The following NUP214 variants were observed in gnomAD, a reference collection of about 807,000 sequenced individuals.
The protein encoded by NUP214 is nucleoporin 214.
In NUP214, 79 loss-of-function variants were observed where a neutral mutation model predicts 196.2. The observed-to-expected ratio is 0.40, with a 90% CI of 0.34 to 0.49. The LOEUF is 0.49. Among genes scored for constraint, NUP214 ranks in the 20% least tolerant of loss-of-function variants. The pLI is 0.58. For synonymous variants in NUP214, 1,020 were observed against 990.5 expected, an observed-to-expected ratio of 1.03 and a Z score of -0.56; for missense variants, 2,468 against 2,539.0, an observed-to-expected ratio of 0.97 and a Z score of 0.60.
chr9:131,207,368 A>T (rs1218582444), intron 30 of NUP214, among the ~76,000 whole-genome samples: 1 of 152,214 alleles, frequency 6.6e-6, no homozygotes, highest in Non-Finnish European at 1.5e-5. Context: ...TGGAGGCAGG[A>T]GTCATCTGAA....
chr9:131,183,100 C>A (rs188416651), intron 24 of NUP214, among the ~76,000 whole-genome samples: 65 of 152,292 alleles, frequency 4.3e-4, no homozygotes, highest in Admixed American at 1.0e-3. Context: ...CCCCACTACC[C>A]CCCAGATGGA....
chr9:131,184,095 A>G (rs947698621), intron 24 of NUP214, among the ~76,000 whole-genome samples: 5 of 142,500 alleles, frequency 3.5e-5, no homozygotes, highest in Non-Finnish European at 1.5e-5. Context: ...CAGTGGCGCA[A>G]TCTCAGCTCA....
intron 18 of NUP214, among the ~76,000 whole-genome samples, chr9:131,160,427 A>C (rs549441244): frequency 1.2e-4 from 19 of 152,334 alleles, no homozygotes; most frequent in East Asian, 1.9e-4. Context: ...ATGATGGCAA[A>C]GTAATGGGAA....
At chr9:131,227,227 C>T (rs2131103529) in intron 32 of NUP214, among the ~76,000 whole-genome samples, 1 of 152,344 alleles carries the variant, frequency 6.6e-6, no homozygotes, top group African/African-American at 2.4e-5. Flanking sequence ...CAGGCATCAC[C>T]AGCAATCAGA....
In NUP214 at chr9:131,178,413, A is replaced by G; in HGVS notation, c.3419+3A>G. 1.2e-6 allele frequency: 2 copies of G among 1,600,596 alleles called. No homozygotes were observed. The highest frequency in any genetic ancestry group is 1.7e-6 in the Non-Finnish European group (2 of 1,168,126). ...GCAACCCCTTCTACAGCCATGGGGT[A>G]TGTTCTGACTGCAGTGTGTTTCAGC... is the stretch of plus-strand genomic sequence containing the variant. On this transcript the variant is annotated splice_donor_region_variant and intron_variant, in intron 24 of 35. Transcript: ENST00000359428.
intron 18 of NUP214, among the ~76,000 whole-genome samples, chr9:131,161,601 G>A (rs1170462652): frequency 6.6e-6 from 1 of 152,158 alleles, no homozygotes; most frequent in East Asian, 1.9e-4. Flanking sequence ...CTTGTTACCA[G>A]AGGCAGTCAT....
chr9:131,196,994 TAAAA>T (rs1044707271), intron 28 of NUP214, among the ~76,000 whole-genome samples: 23 of 152,272 alleles, frequency 1.5e-4, no homozygotes, highest in Admixed American at 1.4e-3. Context: ...TTAATGGTCA[TAAAA>T]AAAGTATTTT....
At chr9:131,159,656 G>A (rs1170495749) in intron 18 of NUP214, among the ~76,000 whole-genome samples, 170 bp downstream of exon 18, 8 of 152,108 alleles carry the variant, frequency 5.3e-5, no homozygotes, top group African/African-American at 1.4e-4. Context: ...TCGGGAGTTC[G>A]AGACCAGCCT....
At chr9:131,212,783 T>G (rs528116895) in intron 30 of NUP214, among the ~76,000 whole-genome samples, 174 of 152,122 alleles carry the variant, frequency 1.1e-3, no homozygotes, top group African/African-American at 3.5e-3. Flanking sequence ...GTAGTGATGG[T>G]TTTTTTTATA....
At chr9:131,213,430 C>A (rs1439171116) in intron 30 of NUP214, among the ~76,000 whole-genome samples, 2 of 152,164 alleles carry the variant, frequency 1.3e-5, no homozygotes, top group African/African-American at 4.8e-5. Flanking sequence ...CTGCCTCGGC[C>A]TCCCAAAGTG....
intron 30 of NUP214, among the ~76,000 whole-genome samples, chr9:131,210,981 AC>A (rs1429203035): frequency 6.6e-6 from 1 of 152,262 alleles, no homozygotes; most frequent in East Asian, 1.9e-4. Flanking sequence ...AAATGAAAAT[AC>A]ATCCCATATT....
chr9:131,129,431 A>T lies in NUP214; in HGVS notation c.546A>T (p.Thr182=). Residue 182 remains threonine, a synonymous_variant, in exon 4 of 36, where the codon ACA becomes ACT. Transcript: ENST00000359428. Reference sequence around the variant, plus strand: ...TTGCTGTCCTGCAAGTCACGGAAACAGTGAAAGTATGTGCAACTCTTCCTT... The same window carrying T: ...TTGCTGTCCTGCAAGTCACGGAAACTGTGAAAGTATGTGCAACTCTTCCTT... ...GSIAVLQVTE[T]VKVCATLPST... The T allele has an allele frequency of 6.2e-7, 1 of 1,614,236 alleles. No homozygotes were observed.
Position 131,208,468 on chromosome 9 carries a change from C to T in NUP214, c.5593-6744C>T, listed in dbSNP as rs905103077. Among the ~76,000 whole-genome samples the T allele has an allele frequency of 2.6e-4, 39 of 152,128 alleles. No homozygotes were observed. In the Middle Eastern group the frequency reaches 0.01, roughly 40 times the overall value. The stretch of plus-strand genomic sequence containing the variant: ...ATCCCAGCACTTTGGGAGGCTGAGG[C>T]GGGCGGATCACGAGGTCAGGAGATC... On this transcript the variant is annotated intron_variant, in intron 30 of 35. Coordinates refer to ENST00000359428, the MANE Select transcript of NUP214 (RefSeq NM_005085.4).
intron 30 of NUP214, among the ~76,000 whole-genome samples, chr9:131,202,589 A>ATT (rs763382499): frequency 2.8e-5 from 4 of 142,394 alleles, no homozygotes; most frequent in Non-Finnish European, 3.1e-5. Context: ...ACACCCAGCT[A>ATT]TTTTTTTTTT....
rs758238151 is a variant in NUP214, at chr9:131,187,321, C to G, written c.3452C>G (p.Pro1151Arg). ...SSVPYSTAKT[P>R]HPVLTPVAAN... The stretch of plus-strand genomic sequence containing the variant: ...GTGCCCTACTCCACAGCCAAAACAC[C>G]TCACCCAGTGTTGACCCCAGTGGCT... Residue 1151 changes from proline (P) to arginine (R), a missense_variant, in exon 25 of 36, where the codon CCT becomes CGT. Physicochemically the swap from Pro to Arg is moderately radical, Grantham distance 103. Coordinates refer to ENST00000359428, the MANE Select transcript of NUP214 (RefSeq NM_005085.4). 6.2e-7 allele frequency: 1 copy of G among 1,613,776 alleles called. No individual in the cohort carries two copies. The highest frequency in any genetic ancestry group is 8.5e-7 in the Non-Finnish European group (1 of 1,179,928).
At chr9:131,228,533 G>A in intron 33 of NUP214, 1 of 484,154 alleles carries the variant, frequency 2.1e-6, no homozygotes, top group Non-Finnish European at 3.5e-6. Context: ...AATTCATGGT[G>A]GACCTCAGCT....
At chr9:131,227,347 G>A (rs1307154702) in intron 32 of NUP214, among the ~76,000 whole-genome samples, 1 of 152,224 alleles carries the variant, frequency 6.6e-6, no homozygotes, top group Non-Finnish European at 1.5e-5. Context: ...GTTGCAGAAG[G>A]CATCTGAACT....
chr9:131,157,660 T>A (rs2133538325), intron 17 of NUP214, among the ~76,000 whole-genome samples: 1 of 151,966 alleles, frequency 6.6e-6, no homozygotes. Flanking sequence ...TGTGTTTTGT[T>A]TTGGAGACAG....
intron 26 of NUP214, 35 bp downstream of exon 26, chr9:131,189,166 A>G (rs765922937): frequency 1.3e-6 from 2 of 1,528,440 alleles, no homozygotes; most frequent in African/African-American, 1.4e-5. Flanking sequence ...GAAAAGTGAA[A>G]GAAGCACTCC....
Sources: gnomAD v4.1 joint callset for allele counts (sites outside exome capture counted in the v4.1 genomes callset) on GRCh38, gnomAD v4.1.1 for gene constraint, MANE v1.5 for transcripts, NCBI Gene and HGNC (gene_info 2026-07-23, HGNC 2026-07-21) for gene names.